The following ACMSD variants were observed in gnomAD, a reference collection of about 807,000 sequenced individuals.
ACMSD encodes aminocarboxymuconate semialdehyde decarboxylase, also known as 2-amino-3-carboxymuconate-6-semialdehyde decarboxylase.
A neutral mutation model predicts 45.9 loss-of-function variants in ACMSD; 37 were observed. The ratio of observed to expected loss-of-function variants is 0.81; its 90% CI spans 0.62 to 1.06. The LOEUF is 1.06. Among genes scored for constraint, ACMSD ranks in the 50% least tolerant of loss-of-function variants. ACMSD has a pLI of 0.00. For missense variants in ACMSD, 434 were observed against 420.9 expected, an observed-to-expected ratio of 1.03 and a Z score of -0.27; for synonymous variants, 138 against 148.8, an observed-to-expected ratio of 0.93 and a Z score of 0.53.
intron 8 of ACMSD, among the ~76,000 whole-genome samples, chr2:134,894,385 G>T (rs1197713293): frequency 1.3e-5 from 2 of 152,034 alleles, no homozygotes; most frequent in Non-Finnish European, 2.9e-5. Context: ...AATGATTTAT[G>T]AAATTCCTAG....
At chr2:134,851,288 T>C (rs1351383491) in intron 2 of ACMSD, among the ~76,000 whole-genome samples, 1 of 152,234 alleles carries the variant, frequency 6.6e-6, no homozygotes, top group East Asian at 1.9e-4. Flanking sequence ...CATGTGTCTT[T>C]TTGGTAGGAC....
chr2:134,867,972 G>C (rs1688193458), intron 6 of ACMSD, among the ~76,000 whole-genome samples: 1 of 152,072 alleles, frequency 6.6e-6, no homozygotes, highest in South Asian at 2.1e-4. Context: ...TAGGTAAGGT[G>C]TCCAGGTCAC....
intron 8 of ACMSD, among the ~76,000 whole-genome samples, chr2:134,887,700 C>A (rs1689541121): frequency 6.6e-6 from 1 of 152,142 alleles, no homozygotes; most frequent in South Asian, 2.1e-4. Flanking sequence ...CCGTGTGCAG[C>A]CCAGAAATAT....
chr2:134,897,158 A>G (rs2104967186), intron 8 of ACMSD, among the ~76,000 whole-genome samples: 1 of 152,290 alleles, frequency 6.6e-6, no homozygotes, highest in East Asian at 1.9e-4. Context: ...CTCAAAAAAA[A>G]AAGAAAAGGG....
At chr2:134,857,898 C>A (rs958557020) in intron 2 of ACMSD, 1 of 150,718 alleles carries the variant, frequency 6.6e-6, no homozygotes, top group African/African-American at 2.4e-5. Flanking sequence ...TCCTTCTATA[C>A]CTAATTTATT....
chr2:134,896,948 G>A (rs1228886831), intron 8 of ACMSD, among the ~76,000 whole-genome samples: 1 of 152,116 alleles, frequency 6.6e-6, no homozygotes, highest in Non-Finnish European at 1.5e-5. Flanking sequence ...GGGCTGGAGG[G>A]AGAAAAGAAT....
intron 8 of ACMSD, among the ~76,000 whole-genome samples, chr2:134,888,501 C>T (rs1689587984): frequency 6.6e-6 from 1 of 152,072 alleles, no homozygotes; most frequent in Non-Finnish European, 1.5e-5. Context: ...TATCCACACA[C>T]AAAAATACAG....
intron 8 of ACMSD, among the ~76,000 whole-genome samples, chr2:134,882,996 T>C (rs573894199): frequency 1.3e-5 from 2 of 152,304 alleles, no homozygotes; most frequent in South Asian, 4.1e-4. Context: ...GGGAAATGTA[T>C]GTTGGAGCAA....
intron 3 of ACMSD, among the ~76,000 whole-genome samples, chr2:134,860,523 A>T (rs1191829684): frequency 6.6e-6 from 1 of 152,186 alleles, no homozygotes; most frequent in East Asian, 1.9e-4. Context: ...CACAAATAAA[A>T]GAGCAGTTTA....
At chr2:134,885,369 TTATATATAATA>T (rs1270801450) in intron 8 of ACMSD, among the ~76,000 whole-genome samples, 1 of 101,304 alleles carries the variant, frequency 9.9e-6, no homozygotes, top group Non-Finnish European at 1.8e-5. Context: ...TACATATATA[TTATATATAATA>T]TATATGTAAA....
At chr2:134,885,302 T>TATATATG (rs1559064760) in intron 8 of ACMSD, among the ~76,000 whole-genome samples, 1 of 49,658 alleles carries the variant, frequency 2.0e-5, no homozygotes, top group East Asian at 1.4e-3. Context: ...TATATATATA[T>TATATATG]TTAAATATAT....
At chr2:134,886,361 G>T (rs1488110680) in intron 8 of ACMSD, among the ~76,000 whole-genome samples, 2 of 148,596 alleles carry the variant, frequency 1.3e-5, no homozygotes, top group African/African-American at 5.0e-5. Context: ...CCATTCTCCT[G>T]CCTCAGCCTC....
At chr2:134,885,531 AAC>A (rs1163494258) in intron 8 of ACMSD, among the ~76,000 whole-genome samples, 1 of 147,790 alleles carries the variant, frequency 6.8e-6, no homozygotes, top group African/African-American at 2.5e-5. Context: ...GCATTCCTTC[AAC>A]ACACACACAT....
At chr2:134,848,715 T>G (rs1687195551) in intron 2 of ACMSD, among the ~76,000 whole-genome samples, 1 of 152,014 alleles carries the variant, frequency 6.6e-6, no homozygotes, top group Admixed American at 6.6e-5. Flanking sequence ...CTTCCTCCCA[T>G]TCTGTGGGTT....
intron 5 of ACMSD, among the ~76,000 whole-genome samples, chr2:134,864,954 T>C (rs970108343): frequency 1.3e-5 from 2 of 152,226 alleles, no homozygotes; most frequent in South Asian, 2.1e-4. Context: ...TTTACTCAAT[T>C]GCATTTTTTA....
chr2:134,889,688 A>G (rs1276904130), intron 8 of ACMSD, among the ~76,000 whole-genome samples: 1 of 152,136 alleles, frequency 6.6e-6, no homozygotes, highest in Non-Finnish European at 1.5e-5. Context: ...CAAATACTAC[A>G]TCATTTTATA....
intron 3 of ACMSD, among the ~76,000 whole-genome samples, chr2:134,861,075 G>T (rs1005138806): frequency 6.6e-6 from 1 of 151,988 alleles, no homozygotes; most frequent in Non-Finnish European, 1.5e-5. Flanking sequence ...CATTTAAATT[G>T]AACTTTGCAG....
At position 134,872,480 on chromosome 2, in the gene ACMSD, C is replaced by G. The variant is rs141418031; in HGVS notation, c.688C>G (p.Pro230Ala). The change falls in exon 8 of 10, where the codon CCC becomes GCC. Residue 230 changes from proline (P) to alanine (A), a missense_variant. Pro to Ala is a conservative substitution (Grantham distance 27). Coordinates refer to ENST00000356140, the MANE Select transcript of ACMSD (RefSeq NM_138326.3). ...GGTTTTACTTGCAGGTGGTGCCTTC[C>G]CCTTCACAGTGGGAAGAATCTCCCA... ...VCFAHGGGAF[P>A]FTVGRISHGF... 6.2e-7 allele frequency: 1 copy of G among 1,614,132 alleles called. No homozygotes were observed.
rs13428889 is a variant in ACMSD at position 134,859,563 on chromosome 2, C to A, written c.199+206C>A. ...TTCAAAATGTTTCATATGAGTTATA[C>A]CCTGTTTTAAAATAGAATGCTATAT... On this transcript the variant is annotated intron_variant, in intron 3 of 9. Coordinates refer to ENST00000356140, the MANE Select transcript of ACMSD (RefSeq NM_138326.3). The A allele has an allele frequency of 9.1e-5, 43 of 473,348 alleles. No homozygotes were observed. The South Asian group carries it at 2.2e-3, about 24-fold the overall frequency. 29.3% of individuals were successfully genotyped at this position (473,348 alleles called of 1,614,324 possible).
Sources: allele counts gnomAD v4.1 joint callset (sites outside exome capture counted in the v4.1 genomes callset), GRCh38; gene constraint gnomAD v4.1.1; transcripts MANE v1.5; gene names NCBI Gene and HGNC (gene_info 2026-07-23, HGNC 2026-07-21).